NSD1: variants seen among roughly 807,000 people sequenced by gnomAD.
The protein encoded by NSD1 is nuclear receptor binding SET domain protein 1.
In NSD1, 26 loss-of-function variants were observed where a neutral mutation model predicts 242.7. The observed-to-expected ratio is 0.11, with a 90% CI of 0.08 to 0.15. NSD1 has a LOEUF of 0.15. Ranked by LOEUF, NSD1 falls within the 10% of genes least tolerant of loss-of-function variation. The pLI is 1.00. For synonymous variants in NSD1, 1,106 were observed against 1,178.1 expected, an observed-to-expected ratio of 0.94 and a Z score of 1.25; for missense variants, 2,495 against 3,272.8, an observed-to-expected ratio of 0.76 and a Z score of 5.80.
At position 177,134,390 on chromosome 5, in the gene NSD1, T is replaced by G. The variant is rs1049636441; in HGVS notation, c.-18+438T>G. On this transcript the variant is annotated intron_variant, in intron 1 of 22. Transcript: ENST00000439151. The surrounding 1 kb of genome is among the most constrained non-coding windows in gnomAD (Gnocchi z 4.2). ...GCGGCCCGGGCAGGCGGCGGCGGCGTCGGCAGCAGCCATGTTTTTCGAGCT... is the reference window on the plus strand; with the variant it reads ...GCGGCCCGGGCAGGCGGCGGCGGCGGCGGCAGCAGCCATGTTTTTCGAGCT... 6 of 153,298 alleles carry G rather than the reference T, an allele frequency of 3.9e-5. No homozygotes were observed. Among genetic ancestry groups the G allele is most frequent in the South Asian group, 1.8e-4 (1 of 5,464 alleles). 9.5% of individuals were successfully genotyped at this position (153,298 alleles called of 1,614,324 possible).
intron 2 of NSD1, among the ~76,000 whole-genome samples, chr5:177,165,219 T>G (rs565557478): frequency 1.2e-3 from 184 of 152,368 alleles, no homozygotes; most frequent in African/African-American, 4.3e-3. Flanking sequence ...TCACCCAGGC[T>G]GGAGTACAGT....
At position 177,280,771 on chromosome 5, in the gene NSD1, G is replaced by A. The variant is rs2127257503; in HGVS notation, c.5829G>A (p.Glu1943=). The part of the protein sequence containing the change: ...NQCFSKRQYP[E]VEIFRTLQRG... The stretch of plus-strand genomic sequence containing the variant: ...GCTTTTCCAAGCGCCAATATCCAGA[G>A]GTTGAAATTTTCCGCACATTACAGC... Residue 1943 remains glutamate (E), a synonymous_variant, in exon 18 of 23, where the codon GAG becomes GAA. Coordinates refer to ENST00000439151, the MANE Select transcript of NSD1 (RefSeq NM_022455.5). The A allele has an allele frequency of 6.2e-7, 1 of 1,614,212 alleles. No individual in the cohort carries two copies.
At chr5:177,290,030 T>TCA (rs1581552350) in intron 21 of NSD1, among the ~76,000 whole-genome samples, 4 of 151,450 alleles carry the variant, frequency 2.6e-5, no homozygotes, top group Admixed American at 6.6e-5. Flanking sequence ...GGTTTCACTG[T>TCA]TGTTAGCCAG....
At chr5:177,234,610 G>A (rs1765301670) in intron 5 of NSD1, among the ~76,000 whole-genome samples, 1 of 152,156 alleles carries the variant, frequency 6.6e-6, no homozygotes, top group Admixed American at 6.6e-5. Flanking sequence ...CAGCTACTCA[G>A]GAGGCTGAGG....
intron 2 of NSD1, among the ~76,000 whole-genome samples, chr5:177,138,203 TC>T (rs1195969813): frequency 6.6e-6 from 1 of 152,144 alleles, no homozygotes; most frequent in African/African-American, 2.4e-5. Flanking sequence ...AGTTTTTTTT[TC>T]AGGGAGAAAT....
chr5:177,216,537 C>T (rs1452944748), intron 5 of NSD1, among the ~76,000 whole-genome samples: 2 of 152,032 alleles, frequency 1.3e-5, no homozygotes, highest in Non-Finnish European at 1.5e-5. Context: ...AGTTCATCTT[C>T]GTTCTTCAGC....
chr5:177,158,293 C>CTTTCTTTCTTTCCTTTTCT (rs1758350204), intron 2 of NSD1, among the ~76,000 whole-genome samples: 6 of 77,674 alleles, frequency 7.7e-5, no homozygotes, highest in African/African-American at 2.8e-4. Flanking sequence ...TTCTTTCTTT[C>CTTTCTTTCTTTCCTTTTCT]TTTCTTTCTT....
At chr5:177,266,169 G>A (rs1757434188) in intron 14 of NSD1, 1 of 1,070,456 alleles carries the variant, frequency 9.3e-7, no homozygotes, top group East Asian at 2.4e-5. Context: ...GCACAGTGTT[G>A]AGCATGGACT....
intron 3 of NSD1, among the ~76,000 whole-genome samples, chr5:177,200,955 G>A (rs1762469386): frequency 6.6e-6 from 1 of 151,550 alleles, no homozygotes; most frequent in African/African-American, 2.4e-5. Context: ...AGTGCAATGA[G>A]GCGTGATCTT....
chr5:177,221,592 A>C (rs890783768), intron 5 of NSD1, among the ~76,000 whole-genome samples: 1 of 149,218 alleles, frequency 6.7e-6, no homozygotes, highest in Admixed American at 6.7e-5. Flanking sequence ...CAGCCTCCCA[A>C]GTAGCTGGGA....
intron 22 of NSD1, 45 bp from the exon 23 acceptor site, chr5:177,293,787 G>C (rs769128512): frequency 1.9e-6 from 3 of 1,605,304 alleles, no homozygotes; most frequent in Admixed American, 1.7e-5. Flanking sequence ...CATGTGATAT[G>C]TATCTCTTTT....
chr5:177,196,442 A>T (rs1421436096), intron 3 of NSD1, among the ~76,000 whole-genome samples: 1 of 152,138 alleles, frequency 6.6e-6, no homozygotes, highest in Non-Finnish European at 1.5e-5. Context: ...ATAGAAAATA[A>T]AAACAGATGA....
chr5:177,256,782 TCTA>T (rs1252341319), intron 12 of NSD1, among the ~76,000 whole-genome samples, 166 bp from the exon 13 acceptor site: 1 of 152,184 alleles, frequency 6.6e-6, no homozygotes, highest in Non-Finnish European at 1.5e-5. Context: ...TCAGGGAGTA[TCTA>T]TTACCAGATT....
chr5:177,154,980 G>A (rs929233268), intron 2 of NSD1, among the ~76,000 whole-genome samples: 1 of 150,816 alleles, frequency 6.6e-6, no homozygotes, highest in African/African-American at 2.4e-5. Context: ...ACAGGCGTGA[G>A]GCACCGTGCC....
chr5:177,158,293 C>CTTTCTTTTCTTTTCTTTTCTTTCT (rs57903249), intron 2 of NSD1, among the ~76,000 whole-genome samples: 1 of 77,672 alleles, frequency 1.3e-5, no homozygotes, highest in Non-Finnish European at 2.7e-5. Context: ...TTCTTTCTTT[C>CTTTCTTTTCTTTTCTTTTCTTTCT]TTTCTTTCTT....
At position 177,192,029 on chromosome 5, in the gene NSD1, G is replaced by A; in HGVS notation, c.1063+10G>A. ...CATTCAAAAATGAAAGGTAATACTTGCAGTGATTATACATGTTAAAGGCAG... is the reference window on the plus strand; with the variant it reads ...CATTCAAAAATGAAAGGTAATACTTACAGTGATTATACATGTTAAAGGCAG... On this transcript the variant is annotated intron_variant, in intron 3 of 22. Transcript: ENST00000439151. 3 of 1,613,594 alleles carry A rather than the reference G, an allele frequency of 1.9e-6. No individual in the cohort carries two copies. Among genetic ancestry groups the A allele is most frequent in the Non-Finnish European group, 2.5e-6 (3 of 1,179,656 alleles).
intron 2 of NSD1, among the ~76,000 whole-genome samples, chr5:177,143,881 T>C (rs1757022369): frequency 6.8e-6 from 1 of 147,350 alleles, no homozygotes; most frequent in African/African-American, 2.5e-5. Context: ...ACCTCATGGG[T>C]TCAAGTTGAT....
At chr5:177,230,779 A>T (rs529553369) in intron 5 of NSD1, among the ~76,000 whole-genome samples, 1 of 151,192 alleles carries the variant, frequency 6.6e-6, no homozygotes, top group African/African-American at 2.4e-5. Flanking sequence ...GTGAGCCGAG[A>T]TCACACCACT....
Position 177,294,902 on chromosome 5 carries a change from C to T in NSD1, c.7534C>T (p.Pro2512Ser), listed in dbSNP as rs1414982232. The change falls in exon 23 of 23, where the codon CCT (proline) becomes TCT (serine). Residue 2512 changes from proline (P) to serine (S), a missense_variant. Physicochemically the swap from Pro to Ser is moderately conservative, Grantham distance 74. This residue lies in a region of NSD1 where 475 missense variants were observed against 563.7 expected (regional missense o/e 0.84). Transcript: ENST00000439151. ...TGTTGAGAAAGGCTGTGTGTCAGATCCTCTTCAGACATCTGGGAAAGCAGC... is the reference window on the plus strand; with the variant it reads ...TGTTGAGAAAGGCTGTGTGTCAGATTCTCTTCAGACATCTGGGAAAGCAGC... ...RAVEKGCVSD[P>S]LQTSGKAAAP... 6.2e-7 allele frequency: 1 copy of T among 1,613,974 alleles called. No individual in the cohort carries two copies. The highest frequency in any genetic ancestry group is 1.7e-5 in the Admixed American group (1 of 60,014).
Sources: gnomAD v4.1 joint callset for allele counts (sites outside exome capture counted in the v4.1 genomes callset) on GRCh38, gnomAD v4.1.1 for gene constraint, gnomAD v4.1.1 regional missense constraint, Gnocchi (gnomAD v3.1) non-coding constraint, MANE v1.5 for transcripts, NCBI Gene and HGNC (gene_info 2026-07-23, HGNC 2026-07-21) for gene names.